The following C19orf44 variants were observed in gnomAD, a reference collection of about 807,000 sequenced individuals.
C19orf44 encodes the protein chromosome 19 open reading frame 44, also known as uncharacterized protein C19orf44.
Under a neutral mutation model 50.7 loss-of-function variants are expected in C19orf44, and 43 were observed. The ratio of observed to expected loss-of-function variants is 0.85; its 90% CI spans 0.66 to 1.09. The LOEUF is 1.09. C19orf44 is among the 50% of genes least tolerant of loss of function. The pLI is 0.00. For synonymous variants in C19orf44, 298 were observed against 334.7 expected (o/e 0.89, Z 1.20); for missense variants, 722 against 836.2 (o/e 0.86, Z 1.68).
rs534852339 is a variant in C19orf44, at chr19:16,503,331, T to C, written c.1026T>C (p.Ala342=). Residue 342 remains alanine, a synonymous_variant, in exon 3 of 9, where the codon GCT becomes GCC. Transcript: ENST00000221671. ...KLVSSPGRSE[A]ETVDEPVSEG... is the part of the protein sequence containing the mutation. ...TGTCCTCCCCGGGAAGGAGTGAGGC[T>C]GAGACTGTGGACGAGCCAGTCTCAG... 1.4e-5 allele frequency: 22 copies of C among 1,613,572 alleles called. 1 individual carries two copies. The South Asian group carries it at 2.4e-4, about 18-fold the overall frequency.
chr19:16,508,919 C>T (rs1325492864), intron 4 of C19orf44, among the ~76,000 whole-genome samples: 1 of 151,830 alleles, frequency 6.6e-6, no homozygotes. Context: ...CTCCTGGGTT[C>T]AAGTGATTCT....
intron 7 of C19orf44, 87 bp downstream of exon 7, chr19:16,514,750 C>G: frequency 2.9e-6 from 4 of 1,386,352 alleles, no homozygotes; most frequent in Non-Finnish European, 3.8e-6. Context: ...GGGCCGGGGC[C>G]TGGGCTCCAG....
chr19:16,519,130 G>C lies in C19orf44; in HGVS notation c.*41-964G>C. The C allele has an allele frequency of 6.3e-7, 1 of 1,597,414 alleles. No homozygotes were observed. The highest frequency in any genetic ancestry group is 8.5e-7 in the Non-Finnish European group (1 of 1,172,062). On this transcript the variant is annotated intron_variant, in intron 8 of 8. Transcript: ENST00000221671. The surrounding 1 kb of genome is among the most constrained non-coding windows in gnomAD (Gnocchi z 6.0). Reference sequence around the variant, plus strand: ...GAAGGTCCCACAGCCGGCACCGCTGGCCACCGGCGCGGCTCCCGGCATGGG... The same window carrying C: ...GAAGGTCCCACAGCCGGCACCGCTGCCCACCGGCGCGGCTCCCGGCATGGG...
chr19:16,521,348 T>G lies in C19orf44; in HGVS notation c.*1295T>G, dbSNP rs573869804. On this transcript the variant is annotated 3_prime_UTR_variant, in exon 9 of 9. Transcript: ENST00000221671. ...GTGTCTCCATTAAAACGCCCTTCAT[T>G]GAGGGCCACGTGTGTGCTGTGCCTG... 67 of 606,748 alleles carry G rather than the reference T, an allele frequency of 1.1e-4. 1 individual carries two copies. In the South Asian group the frequency reaches 1.5e-3, roughly 13 times the overall value. The allele number at this position is 606,748 out of a possible 1,614,324, so 37.6% of individuals were successfully genotyped here. A position where few individuals can be genotyped will look rare whatever the true frequency, so the allele number is the denominator to read the frequency against.
chr19:16,500,925 C>A lies in C19orf44; in HGVS notation c.133C>A (p.Pro45Thr). 6.2e-7 allele frequency: 1 copy of A among 1,613,890 alleles called. No homozygotes were observed. The highest frequency in any genetic ancestry group is 8.5e-7 in the Non-Finnish European group (1 of 1,179,962). ...CAGTAGAAATCTTACCAAAATAGCA[C>A]CTGGTCATAGCAGATTTCTAAAAAG... ...QISRNLTKIA[P>T]GHSRFLKRNQ... The change falls in exon 2 of 9, where the codon CCT (proline) becomes ACT (threonine). Residue 45 changes from proline to threonine, a missense_variant. By Grantham distance (38) the Pro-to-Thr change is conservative. Transcript: ENST00000221671.
chr19:16,515,365 A>G (rs557962947), intron 7 of C19orf44, among the ~76,000 whole-genome samples: 2 of 152,164 alleles, frequency 1.3e-5, no homozygotes, highest in Non-Finnish European at 2.9e-5. Context: ...GTCTCAAAAA[A>G]ACTTTTTAAA....
chr19:16,521,045 C>T lies in C19orf44; in HGVS notation c.*992C>T, dbSNP rs949538799. The T allele has an allele frequency of 4.1e-5, 31 of 754,658 alleles. No individual in the cohort carries two copies. The highest frequency in any genetic ancestry group is 6.6e-5 in the Non-Finnish European group (29 of 436,528). 46.7% of individuals were successfully genotyped at this position (754,658 alleles called of 1,614,324 possible). On this transcript the variant is annotated 3_prime_UTR_variant, in exon 9 of 9. Transcript: ENST00000221671. Reference sequence around the variant, plus strand: ...TGTGGCTGTGGGCTCCGAGCATGGGCGCAGTAGAGCTTGGTTCAGTGTTCC... The same window carrying T: ...TGTGGCTGTGGGCTCCGAGCATGGGTGCAGTAGAGCTTGGTTCAGTGTTCC...
Position 16,519,523 on chromosome 19 carries a change from C to T in C19orf44, c.*41-571C>T. On this transcript the variant is annotated intron_variant, in intron 8 of 8. Transcript: ENST00000221671. The surrounding 1 kb of genome is among the most constrained non-coding windows in gnomAD (Gnocchi z 6.0). The stretch of plus-strand genomic sequence containing the variant: ...GGAGTCAGAACCGGCCTGACTCCAT[C>T]CATCCCCACATGCACTGAGGAAGAG... 1 of 1,299,098 alleles carries T rather than the reference C, an allele frequency of 7.7e-7. No homozygotes were observed. The highest frequency in any genetic ancestry group is 1.1e-6 in the Non-Finnish European group (1 of 902,140). 80.5% of individuals were successfully genotyped at this position (1,299,098 alleles called of 1,614,324 possible). A position where few individuals can be genotyped will look rare whatever the true frequency, so the allele number is the denominator to read the frequency against.
Position 16,520,878 on chromosome 19 carries a change from A to G in C19orf44, c.*825A>G. ...CGCCGGGCCCGCATTTTTGCTCGGA[A>G]GAACTCATAGAGGCCGTTCTGCTCC... On this transcript the variant is annotated 3_prime_UTR_variant, in exon 9 of 9. Coordinates refer to ENST00000221671, the MANE Select transcript of C19orf44 (RefSeq NM_032207.4). This position sits in a 1 kb window ranked among gnomAD's most constrained non-coding sequence, Gnocchi z 4.0. The G allele has an allele frequency of 1.2e-6, 2 of 1,613,930 alleles. No homozygotes were observed. Among genetic ancestry groups the G allele is most frequent in the Non-Finnish European group, 1.7e-6 (2 of 1,180,036 alleles).
chr19:16,520,751 A>G lies in C19orf44; in HGVS notation c.*698A>G. 7.1e-7 allele frequency: 1 copy of G among 1,408,614 alleles called. No homozygotes were observed. Among genetic ancestry groups the G allele is most frequent in the Non-Finnish European group, 1.0e-6 (1 of 998,356 alleles). The allele number at this position is 1,408,614 out of a possible 1,614,324, so 87.3% of individuals were successfully genotyped here. On this transcript the variant is annotated 3_prime_UTR_variant, in exon 9 of 9. Coordinates refer to ENST00000221671, the MANE Select transcript of C19orf44 (RefSeq NM_032207.4). The surrounding 1 kb of genome is among the most constrained non-coding windows in gnomAD (Gnocchi z 4.0). ...GTGTGAGGGTGGACGTGATGAGTGTATCTGGGGTCTGCTCCCACCCATCAC... is the reference window on the plus strand; with the variant it reads ...GTGTGAGGGTGGACGTGATGAGTGTGTCTGGGGTCTGCTCCCACCCATCAC...
At chr19:16,515,998 A>G (rs1191535365) in intron 7 of C19orf44, among the ~76,000 whole-genome samples, 2 of 152,132 alleles carry the variant, frequency 1.3e-5, no homozygotes, top group Admixed American at 6.5e-5. Flanking sequence ...GGGTTTCTCC[A>G]TGTTGGTCAG....
Position 16,501,158 on chromosome 19 carries a change from C to CGCCGAT in C19orf44, c.369_374dup (p.Asp124_Ala125dup). On this transcript the variant is annotated inframe_insertion, in exon 2 of 9. Transcript: ENST00000221671. ...CTGACACGGAATCTGACTCAATGAC[C>CGCCGAT]GCCGATGCTGGTCTTCCAAAGAGAG... The CGCCGAT allele has an allele frequency of 1.2e-6, 2 of 1,614,086 alleles. No individual in the cohort carries two copies. Among genetic ancestry groups the CGCCGAT allele is most frequent in the Middle Eastern group, 1.6e-4 (1 of 6,062 alleles).
intron 1 of C19orf44, 38 bp from the exon 2 acceptor site, chr19:16,500,754 A>G: frequency 6.5e-7 from 1 of 1,526,822 alleles, no homozygotes; most frequent in Non-Finnish European, 8.8e-7. Flanking sequence ...TACAAACAGC[A>G]GGTACTCTTA....
intron 1 of C19orf44, among the ~76,000 whole-genome samples, chr19:16,497,058 G>T (rs2093411387): frequency 6.6e-6 from 1 of 152,136 alleles, no homozygotes; most frequent in Non-Finnish European, 1.5e-5. Flanking sequence ...GATTGCTTGT[G>T]TCCAGGAGGT....
chr19:16,511,110 T>C (rs2093456034), intron 5 of C19orf44, among the ~76,000 whole-genome samples: 2 of 151,582 alleles, frequency 1.3e-5, no homozygotes, highest in Admixed American at 1.3e-4. Flanking sequence ...GATCTTGGCT[T>C]ACTGCAACCT....
chr19:16,514,729 C>A, intron 7 of C19orf44, 66 bp downstream of exon 7: 2 of 1,443,008 alleles, frequency 1.4e-6, no homozygotes, highest in East Asian at 2.6e-5. Context: ...GAGGCCGGGC[C>A]GAAGGGATAT....
intron 4 of C19orf44, among the ~76,000 whole-genome samples, chr19:16,507,151 T>C (rs2093442848): frequency 6.6e-6 from 1 of 152,208 alleles, no homozygotes; most frequent in South Asian, 2.1e-4. Flanking sequence ...CTGCTCCATA[T>C]TGTGTAATGC....
chr19:16,512,904 G>A, intron 5 of C19orf44, 110 bp from the exon 6 acceptor site: 1 of 803,824 alleles, frequency 1.2e-6, no homozygotes, highest in Non-Finnish European at 1.9e-6. Flanking sequence ...ATCACCTTCA[G>A]AAAGAGGGAA....
rs1253270526 is a variant in C19orf44 at position 16,514,510 on chromosome 19, C to T, written c.1749C>T (p.Tyr583=). 1 of 1,610,920 alleles carries T rather than the reference C, an allele frequency of 6.2e-7. No homozygotes were observed. Among genetic ancestry groups the T allele is most frequent in the Non-Finnish European group, 8.5e-7 (1 of 1,179,174 alleles). The change falls in exon 7 of 9, where the codon TAC becomes TAT. Residue 583 remains tyrosine, a synonymous_variant. Coordinates refer to ENST00000221671, the MANE Select transcript of C19orf44 (RefSeq NM_032207.4). The part of the protein sequence containing the change: ...SADAIEALTA[Y]SPAVLALHDV... ...GAGCTGGGTCAGCCCTGACCGCTTA[C>T]AGCCCGGCCGTGCTGGCACTCCATG...
Sources: gnomAD v4.1 joint callset for allele counts (sites outside exome capture counted in the v4.1 genomes callset) on GRCh38, gnomAD v4.1.1 for gene constraint, Gnocchi (gnomAD v3.1) non-coding constraint, MANE v1.5 for transcripts, NCBI Gene and HGNC (gene_info 2026-07-23, HGNC 2026-07-21) for gene names.